The following PHACTR2 variants were observed in gnomAD, a reference collection of about 807,000 sequenced individuals.
The protein encoded by PHACTR2 is phosphatase and actin regulator 2.
PHACTR2 carries 30 observed loss-of-function variants against 76.0 expected under a neutral mutation model. That is an observed-to-expected ratio of 0.39 (90% CI 0.30 to 0.54). The LOEUF is 0.54. Ranked by LOEUF, PHACTR2 falls within the 20% of genes least tolerant of loss-of-function variation. The probability of loss-of-function intolerance (pLI) is 0.61; values close to 1 mark genes in which losing one functional copy is unlikely to be tolerated. For synonymous variants in PHACTR2, 292 were observed against 292.5 expected, an observed-to-expected ratio of 1.00 and a Z score of 0.02; for missense variants, 696 against 781.1, an observed-to-expected ratio of 0.89 and a Z score of 1.30.
chr6:143,559,974 G>T (rs922317235), intron 1 of PHACTR2, among the ~76,000 whole-genome samples: 5 of 152,022 alleles, frequency 3.3e-5, no homozygotes, highest in African/African-American at 1.2e-4. Flanking sequence ...GCCTCCCAAA[G>T]GGCTGGGATT....
At position 143,765,032 on chromosome 6, in the gene PHACTR2, C is replaced by T. The variant is rs1445610137; in HGVS notation, c.695-229C>T. Among the ~76,000 whole-genome samples, 1 of 152,134 alleles carries T rather than the reference C, an allele frequency of 6.6e-6. No individual in the cohort carries two copies. The highest frequency in any genetic ancestry group is 1.5e-5 in the Non-Finnish European group (1 of 68,030). The stretch of plus-strand genomic sequence containing the variant: ...CTAAAGTGAGAGAAGACAGAGGACT[C>T]TTGTTCCTCTGAGTTTTGCCGTAAA... On this transcript the variant is annotated intron_variant, in intron 5 of 12. Transcript: ENST00000440869. This position sits in a 1 kb window ranked among gnomAD's most constrained non-coding sequence, Gnocchi z 4.1.
At position 143,571,193 on chromosome 6, in the gene PHACTR2, C is replaced by T. The variant is rs1280957126; in HGVS notation, c.217+33986C>T. ...ATCTGCAGCTGTCATTCAAATTTAG[C>T]CAATTATCCCACTAACAATTATCAT... On this transcript the variant is annotated intron_variant, in intron 1 of 11. Coordinates refer to the PHACTR2 transcript ENST00000367584. The surrounding 1 kb of genome is among the most constrained non-coding windows in gnomAD (Gnocchi z 4.6). Among the ~76,000 whole-genome samples, 5 of 152,136 alleles carry T rather than the reference C, an allele frequency of 3.3e-5. No homozygotes were observed. The highest frequency in any genetic ancestry group is 5.9e-5 in the Non-Finnish European group (4 of 68,012).
rs1223295520 is a variant in PHACTR2, at chr6:143,549,619, G to A, written c.217+12412G>A. On this transcript the variant is annotated intron_variant, in intron 1 of 11. Coordinates refer to the PHACTR2 transcript ENST00000367584. The surrounding 1 kb of genome is among the most constrained non-coding windows in gnomAD (Gnocchi z 4.2). ...GGAGAAAGGTGTTTTGAAATTTCTG[G>A]TGCTGAAAAACCTGCCTTGTACATT... 6.6e-6 allele frequency among the ~76,000 whole-genome samples: 1 copy of A among 151,892 alleles called. No homozygotes were observed. Among genetic ancestry groups the A allele is most frequent in the Non-Finnish European group, 1.5e-5 (1 of 67,912 alleles).
In PHACTR2 at chr6:143,690,661, CTT is replaced by C. The variant is rs1189609672; in HGVS notation, c.46+12454_46+12455del. Among the ~76,000 whole-genome samples, 5 of 152,270 alleles carry C rather than the reference CTT, an allele frequency of 3.3e-5. No homozygotes were observed. In the East Asian group the frequency reaches 9.7e-4, roughly 29 times the overall value. ...TTTATCTGGAAGACTTAGTTTTTCT[CTT>C]TAGCAGATAGCTTTTAACTGATTTC... is the stretch of plus-strand genomic sequence containing the variant. On this transcript the variant is annotated intron_variant, in intron 1 of 12. Coordinates refer to ENST00000440869, the MANE Select transcript of PHACTR2 (RefSeq NM_001100164.2).
intron 1 of PHACTR2, among the ~76,000 whole-genome samples, chr6:143,569,914 G>A (rs981543520): frequency 6.6e-6 from 1 of 152,126 alleles, no homozygotes; most frequent in East Asian, 1.9e-4. Flanking sequence ...GTTATATGGT[G>A]GAATGTCTTA....
rs1379518010 is a variant in PHACTR2 at position 143,730,183 on chromosome 6, T to C, written c.214+18000T>C. ...ATTTAAATTTTAGAACCAACTTGTTTTTATTGTTGAAAAATTACTGCTGGG... is the reference window on the plus strand; with the variant it reads ...ATTTAAATTTTAGAACCAACTTGTTCTTATTGTTGAAAAATTACTGCTGGG... On this transcript the variant is annotated intron_variant, in intron 2 of 12. Transcript: ENST00000440869. The surrounding 1 kb of genome is among the most constrained non-coding windows in gnomAD (Gnocchi z 4.8). 6.6e-6 allele frequency among the ~76,000 whole-genome samples: 1 copy of C among 152,160 alleles called. No homozygotes were observed. The highest frequency in any genetic ancestry group is 1.9e-4 in the East Asian group (1 of 5,200).
At chr6:143,632,991 T>A (rs1776391410) in intron 1 of PHACTR2, among the ~76,000 whole-genome samples, 1 of 152,232 alleles carries the variant, frequency 6.6e-6, no homozygotes, top group Non-Finnish European at 1.5e-5. Flanking sequence ...TACCACATTT[T>A]ATTTATCCAT....
At chr6:143,734,398 C>A (rs1157809634) in intron 2 of PHACTR2, among the ~76,000 whole-genome samples, 1 of 152,148 alleles carries the variant, frequency 6.6e-6, no homozygotes, top group East Asian at 1.9e-4. Flanking sequence ...TTAATCCAAG[C>A]CGAGCTCTGG....
At chr6:143,792,469 A>T (rs1356537470) in intron 11 of PHACTR2, among the ~76,000 whole-genome samples, 1 of 151,772 alleles carries the variant, frequency 6.6e-6, no homozygotes, top group Non-Finnish European at 1.5e-5. Context: ...CTCCTAGTTG[A>T]CCCTGCTCTA....
chr6:143,770,022 G>A (rs951366200), intron 6 of PHACTR2, among the ~76,000 whole-genome samples: 3 of 152,118 alleles, frequency 2.0e-5, no homozygotes, highest in African/African-American at 7.2e-5. Flanking sequence ...CAAAATAATT[G>A]AAAGCAGGCA....
chr6:143,678,179 G>GTGTCCACGC lies in PHACTR2; in HGVS notation c.22_30dup (p.Thr8_Ser10dup). 4.5e-6 allele frequency: 7 copies of GTGTCCACGC among 1,540,616 alleles called. No individual in the cohort carries two copies. Among genetic ancestry groups the GTGTCCACGC allele is most frequent in the Non-Finnish European group, 6.1e-6 (7 of 1,142,802 alleles). ...GACCCCAGTCATGGGCCAGACCTCG[G>GTGTCCACGC]TGTCCACGCTGTCCCCGCAGCCCGG... On this transcript the variant is annotated inframe_insertion, in exon 1 of 13. Coordinates refer to ENST00000440869, the MANE Select transcript of PHACTR2 (RefSeq NM_001100164.2). The surrounding 1 kb of genome is among the most constrained non-coding windows in gnomAD (Gnocchi z 6.2).
At chr6:143,687,284 A>ATTAGACTAATGAG (rs1777546966) in intron 1 of PHACTR2, among the ~76,000 whole-genome samples, 1 of 152,190 alleles carries the variant, frequency 6.6e-6, no homozygotes, top group Admixed American at 6.5e-5. Flanking sequence ...TGAGCAAGTC[A>ATTAGACTAATGAG]CACGTCACCT....
chr6:143,563,171 C>A (rs1775305920), intron 1 of PHACTR2, among the ~76,000 whole-genome samples: 1 of 152,030 alleles, frequency 6.6e-6, no homozygotes, highest in South Asian at 2.1e-4. Context: ...AGGGAAGAAA[C>A]AACTGAAAAA....
chr6:143,674,317 T>C (rs1360673918), upstream of PHACTR2, among the ~76,000 whole-genome samples: 5 of 152,190 alleles, frequency 3.3e-5, no homozygotes, highest in South Asian at 2.1e-4. This position sits in a 1 kb window ranked among gnomAD's most constrained non-coding sequence, Gnocchi z 4.9. Context: ...GAAGATCTTC[T>C]AGTAAAAACT....
chr6:143,780,370 G>A lies in PHACTR2; in HGVS notation c.1646-2849G>A, dbSNP rs1775398493. Among the ~76,000 whole-genome samples, 4 of 152,036 alleles carry A rather than the reference G, an allele frequency of 2.6e-5. No individual in the cohort carries two copies. The South Asian group carries it at 6.2e-4, about 24-fold the overall frequency. On this transcript the variant is annotated intron_variant, in intron 9 of 12. Transcript: ENST00000440869. The surrounding 1 kb of genome is among the most constrained non-coding windows in gnomAD (Gnocchi z 4.4). Reference sequence around the variant, plus strand: ...CTTATGCCTGTAATCCCAAAGCCTTGTGAGGCCAAGGCAGGAGAATTGCTT... The same window carrying A: ...CTTATGCCTGTAATCCCAAAGCCTTATGAGGCCAAGGCAGGAGAATTGCTT...
rs1427763634 is a variant in PHACTR2, at chr6:143,619,421, G to C, written c.13+11099G>C. On this transcript the variant is annotated intron_variant, in intron 1 of 11. Coordinates refer to the PHACTR2 transcript ENST00000305766. This position sits in a 1 kb window ranked among gnomAD's most constrained non-coding sequence, Gnocchi z 4.5. The stretch of plus-strand genomic sequence containing the variant: ...TTTCTACTGTTTCGTGTGCTATTAA[G>C]ATACTTGCTTATTGCCAGTGTGAAA... 6.6e-6 allele frequency among the ~76,000 whole-genome samples: 1 copy of C among 152,224 alleles called. No homozygotes were observed. The highest frequency in any genetic ancestry group is 1.5e-5 in the Non-Finnish European group (1 of 68,046).
chr6:143,563,719 C>T (rs12203151), intron 1 of PHACTR2, among the ~76,000 whole-genome samples: 90,333 of 151,474 alleles, frequency 0.6, 27,366 homozygotes, highest in Middle Eastern at 0.73. Flanking sequence ...ATTCTGGCTG[C>T]GCACGGTGGC....
rs964542979 is a variant in PHACTR2 at position 143,598,901 on chromosome 6, G to A, written c.217+61694G>A. The stretch of plus-strand genomic sequence containing the variant: ...TAAATGGCTGGCATTGATGCTTTCT[G>A]TTATCTGTTCCAGGTTTAGTGGCGT... On this transcript the variant is annotated intron_variant, in intron 1 of 11. Transcript: ENST00000367584. This position sits in a 1 kb window ranked among gnomAD's most constrained non-coding sequence, Gnocchi z 4.1. Among the ~76,000 whole-genome samples the A allele has an allele frequency of 6.6e-6, 1 of 152,178 alleles. No individual in the cohort carries two copies.
In PHACTR2 at chr6:143,537,829, G is replaced by C. The variant is rs1339014238; in HGVS notation, c.217+622G>C. On this transcript the variant is annotated intron_variant, in intron 1 of 11. Coordinates refer to the PHACTR2 transcript ENST00000367584. The surrounding 1 kb of genome is among the most constrained non-coding windows in gnomAD (Gnocchi z 4.4). The stretch of plus-strand genomic sequence containing the variant: ...ACATGTTTTGAAAAAGCCTCGGCCA[G>C]GAGCGGTGGCTCACGCCTGTAATTC... 6.6e-6 allele frequency among the ~76,000 whole-genome samples: 1 copy of C among 152,228 alleles called. No individual in the cohort carries two copies. The highest frequency in any genetic ancestry group is 6.5e-5 in the Admixed American group (1 of 15,290).
Sources: gnomAD v4.1 joint callset for allele counts (sites outside exome capture counted in the v4.1 genomes callset) on GRCh38, gnomAD v4.1.1 for gene constraint, Gnocchi (gnomAD v3.1) non-coding constraint, MANE v1.5 for transcripts, NCBI Gene and HGNC (gene_info 2026-07-23, HGNC 2026-07-21) for gene names.